The following GRM1 variants were observed in gnomAD, a reference collection of about 807,000 sequenced individuals.
The protein encoded by GRM1 is glutamate metabotropic receptor 1, also known as metabotropic glutamate receptor 1.
Under a neutral mutation model 90.9 loss-of-function variants are expected in GRM1, and 33 were observed. That is an observed-to-expected ratio of 0.36 (90% confidence interval 0.28 to 0.49). GRM1 has a LOEUF of 0.49. Among genes scored for constraint, GRM1 ranks in the 20% least tolerant of loss-of-function variants. The pLI, the probability that GRM1 is intolerant of heterozygous loss-of-function variation, is 0.99. For missense variants in GRM1, 1,190 were observed against 1,534.3 expected (o/e 0.78, Z 3.75); for synonymous variants, 700 against 613.2 (o/e 1.14, Z -2.09).
intron 5 of GRM1, among the ~76,000 whole-genome samples, chr6:146,381,204 G>T (rs1252378318): frequency 1.3e-5 from 2 of 152,154 alleles, no homozygotes; most frequent in African/African-American, 2.4e-5. Flanking sequence ...TCACCTAAAA[G>T]TTCCAATCCT....
chr6:146,140,640 G>A (rs1006337106), intron 1 of GRM1, among the ~76,000 whole-genome samples: 17 of 152,080 alleles, frequency 1.1e-4, no homozygotes, highest in African/African-American at 3.4e-4. Context: ...TATTTTAAAC[G>A]GATGAAAACT....
intron 1 of GRM1, among the ~76,000 whole-genome samples, chr6:146,154,224 C>T (rs775872578): frequency 5.9e-5 from 9 of 152,196 alleles, no homozygotes; most frequent in Non-Finnish European, 1.2e-4. Flanking sequence ...AATTTAAAAT[C>T]ATTCTCCTTG....
chr6:146,142,894 G>A (rs141842600), intron 1 of GRM1, among the ~76,000 whole-genome samples: 15 of 152,256 alleles, frequency 9.9e-5, no homozygotes, highest in Non-Finnish European at 1.9e-4. Flanking sequence ...ACCCACTGTG[G>A]CCAAGCTGGT....
intron 1 of GRM1, among the ~76,000 whole-genome samples, chr6:146,118,759 A>G (rs1400105585): frequency 6.6e-6 from 1 of 152,216 alleles, no homozygotes; most frequent in Non-Finnish European, 1.5e-5. Context: ...GTCCCTACAA[A>G]GGACATGAAC....
chr6:146,138,748 G>A (rs1360414551), intron 1 of GRM1, among the ~76,000 whole-genome samples: 1 of 151,300 alleles, frequency 6.6e-6, no homozygotes, highest in Non-Finnish European at 1.5e-5. Context: ...TATGTCTAAA[G>A]GTTTGTCTAT....
chr6:146,188,201 T>G (rs1778805387), intron 2 of GRM1, among the ~76,000 whole-genome samples: 1 of 152,182 alleles, frequency 6.6e-6, no homozygotes, highest in Admixed American at 6.5e-5. Flanking sequence ...ATTTTCTTTC[T>G]TCCAGGCATC....
intron 2 of GRM1, among the ~76,000 whole-genome samples, chr6:146,246,167 T>G (rs923104024): frequency 6.6e-6 from 1 of 152,212 alleles, no homozygotes; most frequent in Non-Finnish European, 1.5e-5. Flanking sequence ...TCTCGATCAC[T>G]AGCAGTTATA....
chr6:146,347,858 A>G (rs1378072507), intron 3 of GRM1, among the ~76,000 whole-genome samples: 1 of 152,206 alleles, frequency 6.6e-6, no homozygotes, highest in Non-Finnish European at 1.5e-5. Flanking sequence ...TGGTTTTGAT[A>G]TGTGCCCACA....
intron 1 of GRM1, among the ~76,000 whole-genome samples, chr6:146,045,476 A>G (rs1166913086): frequency 6.6e-6 from 1 of 151,980 alleles, no homozygotes; most frequent in Non-Finnish European, 1.5e-5. Context: ...CACTGTAGAC[A>G]CTTGGTACAC....
intron 2 of GRM1, among the ~76,000 whole-genome samples, chr6:146,277,331 A>T (rs1356878197): frequency 1.3e-5 from 2 of 152,158 alleles, no homozygotes; most frequent in African/African-American, 4.8e-5. Context: ...AGATGAGCTA[A>T]ACCCTTGGAA....
chr6:146,429,994 G>A (rs996042), intron 7 of GRM1, among the ~76,000 whole-genome samples: 6,521 of 152,186 alleles, frequency 0.043, 483 homozygotes, highest in African/African-American at 0.15. Flanking sequence ...GTTTGTGCAG[G>A]AGGCTTCCCT....
chr6:146,333,169 G>A (rs1253688773), intron 3 of GRM1, among the ~76,000 whole-genome samples: 5 of 152,150 alleles, frequency 3.3e-5, no homozygotes, highest in Admixed American at 3.3e-4. Flanking sequence ...AAATGTAGAT[G>A]CTGAACCATC....
chr6:146,315,219 G>GA (rs1323944587), intron 3 of GRM1, among the ~76,000 whole-genome samples: 1 of 152,014 alleles, frequency 6.6e-6, no homozygotes, highest in Non-Finnish European at 1.5e-5. Context: ...AGAGGACATG[G>GA]AAAAATGCCA....
chr6:146,356,307 A>G (rs1785580254), intron 4 of GRM1, among the ~76,000 whole-genome samples: 1 of 152,218 alleles, frequency 6.6e-6, no homozygotes, highest in Non-Finnish European at 1.5e-5. Context: ...TCTTGCGCAC[A>G]GTCCTGGAGG....
chr6:146,124,045 T>G (rs1776104203), intron 1 of GRM1, among the ~76,000 whole-genome samples: 1 of 152,222 alleles, frequency 6.6e-6, no homozygotes, highest in South Asian at 2.1e-4. Flanking sequence ...GATTTCAGCT[T>G]TGAATAACAG....
chr6:146,118,080 T>C (rs1775825989), intron 1 of GRM1, among the ~76,000 whole-genome samples: 1 of 151,840 alleles, frequency 6.6e-6, no homozygotes, highest in African/African-American at 2.4e-5. Flanking sequence ...AAACTTTGTA[T>C]GTCTTTATAT....
chr6:146,400,583 G>T (rs942080784), intron 7 of GRM1, among the ~76,000 whole-genome samples: 4 of 151,978 alleles, frequency 2.6e-5, no homozygotes, highest in African/African-American at 9.7e-5. Flanking sequence ...TCTATTTTGA[G>T]AAGAAGCATA....
rs1348006977 is a variant in GRM1 at position 146,159,614 on chromosome 6, C to A, written c.950+17C>A. The A allele has an allele frequency of 1.4e-5, 14 of 986,396 alleles. No individual in the cohort carries two copies. Among genetic ancestry groups the A allele is most frequent in the Non-Finnish European group, 2.0e-5 (14 of 706,050 alleles). The allele number at this position is 986,396 out of a possible 1,614,324, so 61.1% of individuals were successfully genotyped here. A position where few individuals can be genotyped will look rare whatever the true frequency, so the allele number is the denominator to read the frequency against. On this transcript the variant is annotated intron_variant, in intron 2 of 7. Transcript: ENST00000282753. ...CATTGGAAGGTAAGTTTCTCTCTCT[C>A]TCTCTCTCTCTCTCTCTCTCTCTCT...
chr6:146,209,971 G>A (rs1437767700), intron 2 of GRM1, among the ~76,000 whole-genome samples: 2 of 152,092 alleles, frequency 1.3e-5, no homozygotes, highest in Non-Finnish European at 2.9e-5. Flanking sequence ...AAAGAGTAAG[G>A]CATTTCTACT....
Sources: allele counts gnomAD v4.1 joint callset (sites outside exome capture counted in the v4.1 genomes callset), GRCh38; gene constraint gnomAD v4.1.1; transcripts MANE v1.5; gene names NCBI Gene and HGNC (gene_info 2026-07-23, HGNC 2026-07-21).